Variants in NEB observed in about 807,000 individuals in gnomAD.
NEB encodes nemaline myopathy type 2.
In NEB, 512 loss-of-function variants were observed where a neutral mutation model predicts 952.2. The observed-to-expected ratio is 0.54, with a 90% CI of 0.50 to 0.58. The LOEUF is 0.58. NEB is among the 20% of genes least tolerant of loss of function. NEB has a pLI of 0.00. For synonymous variants in NEB, 2,900 were observed against 3,149.8 expected (o/e 0.92, Z 2.66); for missense variants, 8,428 against 9,231.1 (o/e 0.91, Z 3.56).
In NEB at chr2:151,563,722, G is replaced by A; in HGVS notation, c.18580-3C>T. 2.5e-6 allele frequency: 4 copies of A among 1,612,108 alleles called. No individual in the cohort carries two copies. Among genetic ancestry groups the A allele is most frequent in the Non-Finnish European group, 3.4e-6 (4 of 1,178,204 alleles). On this transcript the variant is annotated splice_region_variant and splice_polypyrimidine_tract_variant and intron_variant, in intron 118 of 181. Transcript: ENST00000397345. ...TCATATGTCTCTTTGTATTTAAGCTGTAAAGTGGGTTAAACATTGAGAATC... is the reference window on the plus strand; with the variant it reads ...TCATATGTCTCTTTGTATTTAAGCTATAAAGTGGGTTAAACATTGAGAATC...
chr2:151,722,912 A>G (rs1264985854), intron 9 of NEB, among the ~76,000 whole-genome samples: 3 of 152,154 alleles, frequency 2.0e-5, no homozygotes, highest in Admixed American at 2.0e-4. Context: ...GACACACCAC[A>G]ATTTGGACTT....
In NEB at chr2:151,549,743, G is replaced by T. The variant is rs1206840358; in HGVS notation, c.19945-3C>A. ...CGCAGGCTGGTTTTGTATAGATTCT[G>T]CAGGAATGAGGAAGAGCAGGTTAAA... On this transcript the variant is annotated splice_polypyrimidine_tract_variant and splice_region_variant and intron_variant, in intron 129 of 181. Transcript: ENST00000397345. 5 of 1,554,366 alleles carry T rather than the reference G, an allele frequency of 3.2e-6. No homozygotes were observed. The highest frequency in any genetic ancestry group is 4.4e-6 in the Non-Finnish European group (5 of 1,141,094).
chr2:151,523,205 C>A (rs1323560177), intron 153 of NEB, among the ~76,000 whole-genome samples: 1 of 152,112 alleles, frequency 6.6e-6, no homozygotes, highest in African/African-American at 2.4e-5. Flanking sequence ...GATCCCATAT[C>A]TTAGTTTCAA....
intron 169 of NEB, among the ~76,000 whole-genome samples, chr2:151,498,891 T>TA (rs66881625): frequency 3.3e-5 from 5 of 150,324 alleles, no homozygotes; most frequent in South Asian, 2.1e-4. Flanking sequence ...GATAAGGTGC[T>TA]AAAAAAAAGA....
chr2:151,498,477 C>G (rs1425631011), intron 169 of NEB, 125 bp from the exon 170 acceptor site: 1 of 650,344 alleles, frequency 1.5e-6, no homozygotes, highest in Non-Finnish European at 2.6e-6. Flanking sequence ...ATACCAGAAG[C>G]TTTTAGACTC....
intron 148 of NEB, among the ~76,000 whole-genome samples, chr2:151,526,556 T>G (rs2086153285): frequency 6.6e-6 from 1 of 152,144 alleles, no homozygotes; most frequent in African/African-American, 2.4e-5. Context: ...ATGAGCCCAT[T>G]ATTATTCCGT....
At chr2:151,669,004 T>C in intron 39 of NEB, 23 bp downstream of exon 39, 2 of 1,515,546 alleles carry the variant, frequency 1.3e-6, no homozygotes, top group Non-Finnish European at 1.8e-6. Context: ...ATACGCAATA[T>C]TAGCACTGGG....
intron 65 of NEB, 33 bp downstream of exon 65, chr2:151,633,621 A>C (rs1053142140): frequency 2.5e-6 from 4 of 1,579,818 alleles, no homozygotes; most frequent in Non-Finnish European, 3.4e-6. Context: ...AATTATTTCT[A>C]TGCACAGCTC....
intron 71 of NEB, among the ~76,000 whole-genome samples, chr2:151,621,684 A>T (rs897599109): frequency 2.0e-5 from 3 of 152,176 alleles, no homozygotes; most frequent in Admixed American, 2.0e-4. Flanking sequence ...CAAAACACAA[A>T]TGTTCCATGG....
At chr2:151,635,657 G>T (rs1016578944) in intron 64 of NEB, among the ~76,000 whole-genome samples, 1 of 142,928 alleles carries the variant, frequency 7.0e-6, no homozygotes, top group African/African-American at 2.6e-5. Context: ...AGTGAGCTGA[G>T]ATCAGGCCAT....
chr2:151,648,116 G>T (rs966456560), intron 54 of NEB, among the ~76,000 whole-genome samples: 1 of 152,182 alleles, frequency 6.6e-6, no homozygotes, highest in Non-Finnish European at 1.5e-5. Flanking sequence ...GGGAATCTGG[G>T]TATATGTATG....
rs778116122 is a variant in NEB, at chr2:151,567,422, T to C, written c.17902A>G (p.Met5968Val). Residue 5968 changes from methionine (M) to valine (V), a missense_variant, in exon 114 of 182, where the codon ATG becomes GTG. By Grantham distance (21) the Met-to-Val change is conservative (BLOSUM62 1). Around this residue, in one of 11 missense-constraint regions of NEB, gnomAD observed 3,374 missense variants for 3,651.5 expected, o/e 0.92. Coordinates refer to ENST00000397345, the MANE Select transcript of NEB (RefSeq NM_001164508.2). The part of the protein sequence containing the change: ...QKGHYVGVPT[M>V]RDDPKLVWFE... ...CAAACCAGCTTAGGATCATCTCTCA[T>C]CGTCGGGACACCAACATAATGACCT... 2 of 1,613,660 alleles carry C rather than the reference T, an allele frequency of 1.2e-6. No homozygotes were observed. Among genetic ancestry groups the C allele is most frequent in the South Asian group, 1.1e-5 (1 of 91,044 alleles).
intron 30 of NEB, among the ~76,000 whole-genome samples, chr2:151,680,323 T>C (rs908387601): frequency 2.0e-5 from 3 of 152,094 alleles, no homozygotes; most frequent in African/African-American, 7.2e-5. Context: ...ACCTATATTA[T>C]ATTTTGTGGG....
In NEB at chr2:151,677,954, ATG is replaced by A; in HGVS notation, c.3487_3488del (p.His1163PhefsTer10). 1 of 1,613,946 alleles carries A rather than the reference ATG, an allele frequency of 6.2e-7. No homozygotes were observed. Among genetic ancestry groups the A allele is most frequent in the Non-Finnish European group, 8.5e-7 (1 of 1,179,864 alleles). On this transcript the variant is annotated frameshift_variant, in exon 33 of 182. Coordinates refer to ENST00000397345, the MANE Select transcript of NEB (RefSeq NM_001164508.2). LOFTEE classifies it high-confidence loss of function. The part of the protein sequence containing the change: ...QDVVSNVNYK[H>X]SLHHYTYLPD... ...GCAAGTAGGTGTAATGATGGAGAGA[ATG>A]CTTATAGTTGACATTGCTGACCACA... is the stretch of plus-strand genomic sequence containing the variant.
At chr2:151,497,581 C>CA (rs756995889) in intron 171 of NEB, 45 bp downstream of exon 171, 28 of 1,538,822 alleles carry the variant, frequency 1.8e-5, no homozygotes, top group Non-Finnish European at 2.3e-5. Context: ...TGAAAGTTTT[C>CA]AAAATCATTA....
In NEB at chr2:151,729,624, C is replaced by T; in HGVS notation, c.69G>A (p.Val23=). 6.2e-7 allele frequency: 1 copy of T among 1,613,370 alleles called. No individual in the cohort carries two copies. The change falls in exon 4 of 182, where the codon GTG becomes GTA. Residue 23 remains valine (V), a synonymous_variant. Coordinates refer to ENST00000397345, the MANE Select transcript of NEB (RefSeq NM_001164508.2). ...GTGGGCTGGGCCTTACCTCTCCCGGCACCTCTTCGTAAACCACTTCTTCTG... is the reference window on the plus strand; with the variant it reads ...GTGGGCTGGGCCTTACCTCTCCCGGTACCTCTTCGTAAACCACTTCTTCTG... ...YYTEEVVYEE[V]PGETITKIYE...
At chr2:151,525,849 G>GT (rs1238349545) in intron 150 of NEB, 109 bp downstream of exon 150, 1 of 840,660 alleles carries the variant, frequency 1.2e-6, no homozygotes, top group Admixed American at 1.7e-5. Context: ...GATATTGATG[G>GT]TAAGAGTGAA....
In NEB at chr2:151,691,945, T is replaced by C. The variant is rs2149154304; in HGVS notation, c.2130A>G (p.Glu710=). Residue 710 remains glutamate, a synonymous_variant, in exon 23 of 182, where the codon GAA becomes GAG. Coordinates refer to ENST00000397345, the MANE Select transcript of NEB (RefSeq NM_001164508.2). ...NSDKSYKAEY[E]EDKGKCYFPQ... ...GGAAATAGCATTTTCCTTTATCTTC[T>C]TCATATTCTGCTTTGTAACTTTTCT... 2 of 1,611,280 alleles carry C rather than the reference T, an allele frequency of 1.2e-6. No individual in the cohort carries two copies. The highest frequency in any genetic ancestry group is 3.3e-4 in the Middle Eastern group (2 of 6,058).
chr2:151,617,146 A>G (rs1157993262), intron 75 of NEB, among the ~76,000 whole-genome samples: 4 of 152,248 alleles, frequency 2.6e-5, no homozygotes, highest in African/African-American at 7.2e-5. Flanking sequence ...ATATTTATTC[A>G]TAATCATTCA....
Sources: gnomAD v4.1 joint callset for allele counts (sites outside exome capture counted in the v4.1 genomes callset) on GRCh38, gnomAD v4.1.1 for gene constraint, gnomAD v4.1.1 regional missense constraint, MANE v1.5 for transcripts, NCBI Gene and HGNC (gene_info 2026-07-23, HGNC 2026-07-21) for gene names.